Variants in NCAM2 observed in about 807,000 individuals in gnomAD.
NCAM2 encodes neural cell adhesion molecule 2, also known as N-CAM-2.
Under a neutral mutation model 98.1 loss-of-function variants are expected in NCAM2, and 30 were observed. The observed-to-expected ratio is 0.31, with a 90% CI of 0.23 to 0.41. The LOEUF (loss-of-function observed/expected upper bound fraction) is 0.41, where lower values mean the gene tolerates loss of function less well. Among genes scored for constraint, NCAM2 ranks in the 10% least tolerant of loss-of-function variants. NCAM2 has a pLI of 1.00. For synonymous variants in NCAM2, 368 were observed against 342.4 expected (o/e 1.07, Z -0.83); for missense variants, 867 against 1,005.8 (o/e 0.86, Z 1.87).
intron 1 of NCAM2, among the ~76,000 whole-genome samples, chr21:21,230,243 GCAAT>G (rs2070566048): frequency 6.6e-6 from 1 of 151,000 alleles, no homozygotes; most frequent in African/African-American, 2.4e-5. Flanking sequence ...ATGGAAAGAA[GCAAT>G]CATTTTTCTA....
At chr21:21,024,523 A>G (rs1158635924) in intron 1 of NCAM2, among the ~76,000 whole-genome samples, 1 of 152,240 alleles carries the variant, frequency 6.6e-6, no homozygotes, top group East Asian at 1.9e-4. Context: ...CACAGCCAGC[A>G]CAGAGAATGG....
intron 9 of NCAM2, among the ~76,000 whole-genome samples, chr21:21,404,989 T>C (rs1190712688): frequency 6.6e-6 from 1 of 151,946 alleles, no homozygotes; most frequent in Non-Finnish European, 1.5e-5. Context: ...TAACGCATTT[T>C]ACATTTTTAA....
Position 21,156,208 on chromosome 21 carries a change from A to G in NCAM2, c.56-124370A>G, listed in dbSNP as rs183822508. ...TGTTCTGTAGTATTTCTGTCTCATT[A>G]TAAAGAATGAAGCATTTTTTGTTTC... is the stretch of plus-strand genomic sequence containing the variant. On this transcript the variant is annotated intron_variant, in intron 1 of 17. Transcript: ENST00000400546. Among the ~76,000 whole-genome samples the G allele has an allele frequency of 4.6e-5, 7 of 151,762 alleles. No homozygotes were observed. In the East Asian group the frequency reaches 1.2e-3, roughly 25 times the overall value.
chr21:21,265,275 G>T (rs1417081762), intron 1 of NCAM2, among the ~76,000 whole-genome samples: 1 of 124,974 alleles, frequency 8.0e-6, no homozygotes, highest in Non-Finnish European at 1.7e-5. Flanking sequence ...ACACATATAT[G>T]TACACATATG....
At chr21:21,184,174 T>C (rs2068564536) in intron 1 of NCAM2, among the ~76,000 whole-genome samples, 1 of 152,086 alleles carries the variant, frequency 6.6e-6, no homozygotes. Context: ...AAAGAGGTAA[T>C]TTAGCTATTC....
intron 1 of NCAM2, among the ~76,000 whole-genome samples, chr21:21,064,572 CT>C (rs960253949): frequency 1.3e-5 from 2 of 152,158 alleles, no homozygotes; most frequent in Admixed American, 1.3e-4. Context: ...CTAGGAATTG[CT>C]GTGGGAAGAA....
intron 9 of NCAM2, among the ~76,000 whole-genome samples, chr21:21,404,552 C>A (rs903966722): frequency 2.6e-5 from 4 of 151,984 alleles, no homozygotes; most frequent in African/African-American, 9.7e-5. Flanking sequence ...ACTTCTTTTT[C>A]TTCATAAATT....
At chr21:21,336,425 G>A (rs910740122) in intron 7 of NCAM2, among the ~76,000 whole-genome samples, 2 of 151,776 alleles carry the variant, frequency 1.3e-5, no homozygotes, top group African/African-American at 4.8e-5. Context: ...TGGGGTGGGG[G>A]GAGTGGGGAG....
intron 8 of NCAM2, among the ~76,000 whole-genome samples, chr21:21,350,931 CAAAAAAAA>C (rs113203468): frequency 2.3e-5 from 1 of 44,170 alleles, no homozygotes; most frequent in Admixed American, 2.6e-4. Context: ...AGTAAAAATA[CAAAAAAAA>C]AAAAAAAAAG....
In NCAM2 at chr21:21,331,517, C is replaced by CTCTCTCTCTCTCTCTATATATA. The variant is rs1483062198; in HGVS notation, c.738-3987_738-3986insCTCTCTCTCTCTCTATATATAT. On this transcript the variant is annotated intron_variant, in intron 6 of 17. Coordinates refer to ENST00000400546, the MANE Select transcript of NCAM2 (RefSeq NM_004540.5). ...TATATATACTCTATACTCTCTCTCTCTATATATATATATATATACTCTATA... is the reference window on the plus strand; with the variant it reads ...TATATATACTCTATACTCTCTCTCTCTCTCTCTCTCTCTCTATATATATATATATATATATATATACTCTATA... 3.2e-3 allele frequency among the ~76,000 whole-genome samples: 22 copies of CTCTCTCTCTCTCTCTATATATA among 6,940 alleles called. 1 individual carries two copies. Among genetic ancestry groups the CTCTCTCTCTCTCTCTATATATA allele is most frequent in the East Asian group, 0.027 (12 of 444 alleles). 4.6% of individuals were successfully genotyped at this position (6,940 alleles called of 152,430 possible). A position where few individuals can be genotyped will look rare whatever the true frequency, so the allele number is the denominator to read the frequency against.
intron 1 of NCAM2, among the ~76,000 whole-genome samples, chr21:21,156,616 A>T (rs149405077): frequency 1.3e-5 from 2 of 151,550 alleles, no homozygotes; most frequent in Non-Finnish European, 1.5e-5. Flanking sequence ...AGATAGATAG[A>T]TAATTGTAGA....
chr21:21,212,268 C>T (rs1264473239), intron 1 of NCAM2, among the ~76,000 whole-genome samples: 11 of 152,102 alleles, frequency 7.2e-5, no homozygotes, highest in Non-Finnish European at 1.6e-4. Flanking sequence ...GAATTTTCCA[C>T]GAATTATGCA....
chr21:21,465,325 A>G (rs11700911), intron 12 of NCAM2, among the ~76,000 whole-genome samples: 60,385 of 151,792 alleles, frequency 0.4, 13,463 homozygotes, highest in Non-Finnish European at 0.51. Flanking sequence ...CCCACTCCTG[A>G]AATCCAAGAC....
chr21:21,335,926 C>T (rs2074855079), intron 7 of NCAM2, among the ~76,000 whole-genome samples: 1 of 152,016 alleles, frequency 6.6e-6, no homozygotes, highest in African/African-American at 2.4e-5. Flanking sequence ...TGGGGTTTGT[C>T]ATCTGTGTCT....
At chr21:21,287,392 A>C (rs568435501) in intron 4 of NCAM2, among the ~76,000 whole-genome samples, 1 of 152,004 alleles carries the variant, frequency 6.6e-6, no homozygotes, top group Non-Finnish European at 1.5e-5. Flanking sequence ...AGCATGTTCA[A>C]TGCTTGTCAG....
intron 1 of NCAM2, among the ~76,000 whole-genome samples, chr21:21,071,470 T>TA (rs569977335): frequency 4.6e-5 from 7 of 150,686 alleles, no homozygotes; most frequent in South Asian, 2.1e-4. Context: ...GAGCTCAAGC[T>TA]AAAAAAAAAG....
At chr21:21,485,145 C>T (rs903538978) in intron 15 of NCAM2, among the ~76,000 whole-genome samples, 1 of 151,912 alleles carries the variant, frequency 6.6e-6, no homozygotes, top group Non-Finnish European at 1.5e-5. Flanking sequence ...CTTATTTTCC[C>T]TTTGTTGAAC....
rs1475325923 is a variant in NCAM2 at position 21,410,232 on chromosome 21, TAAAG to T, written c.1196-38_1196-35del. 1.1e-5 allele frequency: 12 copies of T among 1,112,130 alleles called. No homozygotes were observed. In the East Asian group the frequency reaches 2.1e-4, roughly 19 times the overall value. 68.9% of individuals were successfully genotyped at this position (1,112,130 alleles called of 1,614,324 possible). A position where few individuals can be genotyped will look rare whatever the true frequency, so the allele number is the denominator to read the frequency against. ...ATACTACTTAAATGATTATTTAACT[TAAAG>T]AAAATGCCTATAATTATTTTATTAT... On this transcript the variant is annotated intron_variant, in intron 9 of 17. Coordinates refer to ENST00000400546, the MANE Select transcript of NCAM2 (RefSeq NM_004540.5).
chr21:21,017,424 C>CAAAAAAAAAAAAAAAAA (rs11461275), intron 1 of NCAM2, among the ~76,000 whole-genome samples: 3 of 58,778 alleles, frequency 5.1e-5, no homozygotes, highest in African/African-American at 1.5e-4. Context: ...GACTCTGTCT[C>CAAAAAAAAAAAAAAAAA]AAAAAAAAAA....
Sources: allele counts gnomAD v4.1 joint callset (sites outside exome capture counted in the v4.1 genomes callset), GRCh38; gene constraint gnomAD v4.1.1; transcripts MANE v1.5; gene names NCBI Gene and HGNC (gene_info 2026-07-23, HGNC 2026-07-21).